R3HCC1L: variants seen among roughly 807,000 people sequenced by gnomAD.
R3HCC1L encodes R3H domain and coiled-coil containing 1 like.
A neutral mutation model predicts 59.9 loss-of-function variants in R3HCC1L; 51 were observed. That is an observed-to-expected ratio of 0.85 (90% CI 0.68 to 1.07). R3HCC1L has a LOEUF of 1.07. R3HCC1L is among the 50% of genes least tolerant of loss of function. R3HCC1L has a pLI of 0.00. For missense variants in R3HCC1L, 965 were observed against 933.0 expected (o/e 1.03, Z -0.45); for synonymous variants, 322 against 315.2 (o/e 1.02, Z -0.23).
chr10:98,157,823 A>G (rs369156261), intron 2 of R3HCC1L, among the ~76,000 whole-genome samples: 2 of 152,268 alleles, frequency 1.3e-5, no homozygotes, highest in African/African-American at 2.4e-5. Context: ...AAAAACAGCT[A>G]TAAGACTAAC....
intron 1 of R3HCC1L, among the ~76,000 whole-genome samples, chr10:98,146,784 TTTC>T (rs1482436415): frequency 1.3e-5 from 2 of 152,256 alleles, no homozygotes; most frequent in African/African-American, 4.8e-5. Context: ...TGTACCACTT[TTTC>T]TTCTTACATG....
intron 4 of R3HCC1L, among the ~76,000 whole-genome samples, chr10:98,206,088 A>G (rs1852610843): frequency 6.6e-6 from 1 of 152,182 alleles, no homozygotes; most frequent in Non-Finnish European, 1.5e-5. Flanking sequence ...TTTCAGGTAT[A>G]AAGTTAGCTG....
rs954094900 is a variant in R3HCC1L at position 98,153,508 on chromosome 10, A to G, written c.-267-2585A>G. Among the ~76,000 whole-genome samples the G allele has an allele frequency of 2.0e-5, 3 of 152,014 alleles. No individual in the cohort carries two copies. In the East Asian group the frequency reaches 5.8e-4, roughly 29 times the overall value. ...GCAGGGTCCTCTGCCTAAGAAAACC[A>G]GAGACCTTTGTTCACTTGTTTGTCT... On this transcript the variant is annotated intron_variant, in intron 1 of 9. Coordinates refer to ENST00000298999, the MANE Select transcript of R3HCC1L (RefSeq NM_001351015.2).
At chr10:98,217,343 T>C (rs1428920203) in intron 5 of R3HCC1L, among the ~76,000 whole-genome samples, 1 of 152,110 alleles carries the variant, frequency 6.6e-6, no homozygotes, top group Non-Finnish European at 1.5e-5. Flanking sequence ...ATGAACAGAA[T>C]AGGGTTCTCT....
intron 9 of R3HCC1L, among the ~76,000 whole-genome samples, chr10:98,239,261 G>C (rs1040972061): frequency 6.6e-6 from 1 of 152,080 alleles, no homozygotes; most frequent in Non-Finnish European, 1.5e-5. Flanking sequence ...TGACAAATAC[G>C]TATTATATAC....
Position 98,219,071 on chromosome 10 carries a change from T to A in R3HCC1L, c.1785+9172T>A, listed in dbSNP as rs371468735. 1.1e-4 allele frequency among the ~76,000 whole-genome samples: 16 copies of A among 152,196 alleles called. No individual in the cohort carries two copies. In the East Asian group the frequency reaches 2.9e-3, roughly 28 times the overall value. On this transcript the variant is annotated intron_variant, in intron 5 of 9. Coordinates refer to ENST00000298999, the MANE Select transcript of R3HCC1L (RefSeq NM_001351015.2). ...GGATTATAGGCGCATGCTATTATGC[T>A]CAGCTAATTTGTGTATTTTTAGTAG...
At chr10:98,195,390 A>G (rs979965560) in intron 4 of R3HCC1L, among the ~76,000 whole-genome samples, 1 of 151,912 alleles carries the variant, frequency 6.6e-6, no homozygotes, top group Non-Finnish European at 1.5e-5. Flanking sequence ...CAATATGCAT[A>G]TAGTTAAAAT....
At chr10:98,138,129 A>G (rs1226594874) in intron 1 of R3HCC1L, among the ~76,000 whole-genome samples, 6 of 152,184 alleles carry the variant, frequency 3.9e-5, no homozygotes, top group Non-Finnish European at 7.3e-5. Context: ...GAATTGAAGT[A>G]TATATTTTTT....
At chr10:98,219,627 ATGG>A (rs1260368393) in intron 5 of R3HCC1L, among the ~76,000 whole-genome samples, 1 of 151,938 alleles carries the variant, frequency 6.6e-6, no homozygotes, top group African/African-American at 2.4e-5. Context: ...TGTTTTTATG[ATGG>A]TAGATAGCAT....
At chr10:98,196,017 CATTT>C (rs1161800614) in intron 4 of R3HCC1L, among the ~76,000 whole-genome samples, 1 of 152,126 alleles carries the variant, frequency 6.6e-6, no homozygotes, top group Admixed American at 6.5e-5. Context: ...GAATATGTGA[CATTT>C]ATTTATGTAT....
rs1345880183 is a variant in R3HCC1L, at chr10:98,153,970, G to C, written c.-267-2123G>C. 6.6e-5 allele frequency among the ~76,000 whole-genome samples: 10 copies of C among 152,256 alleles called. No individual in the cohort carries two copies. The East Asian group carries it at 1.4e-3, about 21-fold the overall frequency. ...TTTTTCACATACATTGCAATCATCA[G>C]AAGGAGAAAGAGAAGGACACATCTC... On this transcript the variant is annotated intron_variant, in intron 1 of 9. Coordinates refer to ENST00000298999, the MANE Select transcript of R3HCC1L (RefSeq NM_001351015.2).
At position 98,149,742 on chromosome 10, in the gene R3HCC1L, C is replaced by A. The variant is rs139961377; in HGVS notation, c.-267-6351C>A. Among the ~76,000 whole-genome samples, 255 of 152,296 alleles carry A rather than the reference C, an allele frequency of 1.7e-3. 1 individual carries two copies. The highest frequency in any genetic ancestry group is 5.9e-3 in the African/African-American group (245 of 41,558). ...TTTTGAATTTGTTCAAAGATATAGTCTGTTCTGGAGAATGTTCCATGTCTG... is the reference window on the plus strand; with the variant it reads ...TTTTGAATTTGTTCAAAGATATAGTATGTTCTGGAGAATGTTCCATGTCTG... On this transcript the variant is annotated intron_variant, in intron 1 of 9. Coordinates refer to ENST00000298999, the MANE Select transcript of R3HCC1L (RefSeq NM_001351015.2).
chr10:98,157,340 A>G (rs1481511317), intron 2 of R3HCC1L, among the ~76,000 whole-genome samples: 1 of 152,194 alleles, frequency 6.6e-6, no homozygotes, highest in Non-Finnish European at 1.5e-5. Context: ...GGGGCGATAG[A>G]TTTTAGGTTC....
intron 4 of R3HCC1L, among the ~76,000 whole-genome samples, chr10:98,193,994 A>T (rs905557002): frequency 1.3e-5 from 2 of 152,162 alleles, no homozygotes; most frequent in South Asian, 2.1e-4. Context: ...CCTAAAATTC[A>T]TATGGAATCT....
chr10:98,191,726 C>T (rs1008245679), intron 4 of R3HCC1L, among the ~76,000 whole-genome samples: 2 of 152,122 alleles, frequency 1.3e-5, no homozygotes, highest in Non-Finnish European at 2.9e-5. Context: ...AGTCCTTGCC[C>T]GTGCATATGT....
At chr10:98,206,985 A>G (rs1434943414) in intron 4 of R3HCC1L, among the ~76,000 whole-genome samples, 1 of 152,244 alleles carries the variant, frequency 6.6e-6, no homozygotes, top group African/African-American at 2.4e-5. Context: ...GCTGAAAGGA[A>G]AATAACCTGT....
At chr10:98,242,145 G>C (rs1264230859) in intron 9 of R3HCC1L, among the ~76,000 whole-genome samples, 1 of 152,178 alleles carries the variant, frequency 6.6e-6, no homozygotes. Context: ...AGGAGTTCAA[G>C]ACCATTCTGG....
rs1056478575 is a variant in R3HCC1L at position 98,188,000 on chromosome 10, C to T, written c.-14-20101C>T. 8.6e-5 allele frequency among the ~76,000 whole-genome samples: 13 copies of T among 151,988 alleles called. 1 individual carries two copies. The highest frequency in any genetic ancestry group is 8.5e-4 in the Admixed American group (13 of 15,262). On this transcript the variant is annotated intron_variant, in intron 4 of 9. Coordinates refer to ENST00000298999, the MANE Select transcript of R3HCC1L (RefSeq NM_001351015.2). ...TTAAGTGATCCTCCCATCTTGGCCT[C>T]CCAGAAGTCCTGGGGTTATAGGCAG...
rs144804129 is a variant in R3HCC1L at position 98,240,365 on chromosome 10, T to A, written c.2270-3726T>A. On this transcript the variant is annotated intron_variant, in intron 9 of 9. Coordinates refer to ENST00000298999, the MANE Select transcript of R3HCC1L (RefSeq NM_001351015.2). ...GGAATGTATATAAAATTTTCCCATG[T>A]TCCACTCATCCAGATATTTGATTCC... Among the ~76,000 whole-genome samples the A allele has an allele frequency of 3.0e-3, 456 of 152,334 alleles. 4 individuals carry two copies. Among genetic ancestry groups the A allele is most frequent in the African/African-American group, 9.3e-3 (387 of 41,576 alleles).
Sources: allele counts gnomAD v4.1 joint callset (sites outside exome capture counted in the v4.1 genomes callset), GRCh38; gene constraint gnomAD v4.1.1; transcripts MANE v1.5; gene names NCBI Gene and HGNC (gene_info 2026-07-23, HGNC 2026-07-21).